QKI: variants seen among roughly 807,000 people sequenced by gnomAD.
The protein encoded by QKI is QKI, KH domain containing RNA binding, also known as KH domain-containing RNA-binding protein QKI.
In QKI, 10 loss-of-function variants were observed where a neutral mutation model predicts 39.0. That is an observed-to-expected ratio of 0.26 (90% CI 0.16 to 0.43). The LOEUF (loss-of-function observed/expected upper bound fraction) is 0.43, where lower values mean the gene tolerates loss of function less well. Ranked by LOEUF, QKI falls within the 20% of genes least tolerant of loss-of-function variation. The pLI is 1.00. For synonymous variants in QKI, 204 were observed against 155.4 expected (o/e 1.31, Z -2.33); for missense variants, 218 against 428.0 (o/e 0.51, Z 4.33).
chr6:163,478,742 G>A, intron 2 of QKI, 38 bp from the exon 3 acceptor site: 14 of 1,355,498 alleles, frequency 1.0e-5, no homozygotes, highest in Non-Finnish European at 1.3e-5. Context: ...GTTCCAGCAA[G>A]TGAATAATGT....
rs115742128 is a variant in QKI, at chr6:163,514,406, A to G, written c.403-20576A>G. 2.9e-3 allele frequency among the ~76,000 whole-genome samples: 436 copies of G among 152,286 alleles called. 1 individual carries two copies. Among genetic ancestry groups the G allele is most frequent in the African/African-American group, 9.7e-3 (403 of 41,560 alleles). On this transcript the variant is annotated intron_variant, in intron 3 of 7. Coordinates refer to ENST00000361752, the MANE Select transcript of QKI (RefSeq NM_006775.3). ...TAAAGATATGTATTTTCAAATCTATATAGTAAAATCTAGTTAGAAATCCTA... is the reference window on the plus strand; with the variant it reads ...TAAAGATATGTATTTTCAAATCTATGTAGTAAAATCTAGTTAGAAATCCTA...
intron 4 of QKI, among the ~76,000 whole-genome samples, chr6:163,545,708 G>A (rs774547070): frequency 3.9e-5 from 6 of 151,944 alleles, no homozygotes; most frequent in African/African-American, 1.2e-4. Flanking sequence ...TTGAGGAACC[G>A]CTTCTTTCAA....
intron 3 of QKI, among the ~76,000 whole-genome samples, chr6:163,489,424 CTGTGTGTGTGTGTGTG>C (rs66826538): frequency 2.7e-5 from 4 of 148,936 alleles, no homozygotes; most frequent in Admixed American, 6.7e-5. Flanking sequence ...AGAAGTTATG[CTGTGTGTGTGTGTGTG>C]TGTGTGTGTG....
chr6:163,513,477 T>C (rs971215567), intron 3 of QKI, among the ~76,000 whole-genome samples: 18 of 152,190 alleles, frequency 1.2e-4, no homozygotes, highest in African/African-American at 4.3e-4. Context: ...TTTCTAAACT[T>C]ATTTCGTCCT....
chr6:163,552,382 G>C lies in QKI; in HGVS notation c.547-9600G>C, dbSNP rs550762871. 3.6e-4 allele frequency among the ~76,000 whole-genome samples: 54 copies of C among 151,860 alleles called. 2 individuals carry two copies. Among genetic ancestry groups the C allele is most frequent in the Admixed American group, 3.1e-3 (47 of 15,264 alleles). On this transcript the variant is annotated intron_variant, in intron 4 of 7. Transcript: ENST00000361752. The stretch of plus-strand genomic sequence containing the variant: ...CGCCACCACGCCTGGCTAATTTTTT[G>C]TATTTTTTGACTAGAGACAGGGTTT...
intron 4 of QKI, among the ~76,000 whole-genome samples, chr6:163,540,624 G>T (rs1781449902): frequency 6.6e-6 from 1 of 152,084 alleles, no homozygotes; most frequent in Non-Finnish European, 1.5e-5. Context: ...TAATTATACT[G>T]CAAAAGTAAT....
At chr6:163,486,822 A>T (rs1264599452) in intron 3 of QKI, among the ~76,000 whole-genome samples, 1 of 152,142 alleles carries the variant, frequency 6.6e-6, no homozygotes, top group African/African-American at 2.4e-5. Context: ...TTTTTCCTGC[A>T]ACTCTGTATC....
At chr6:163,463,285 T>A (rs1791477820) in intron 2 of QKI, among the ~76,000 whole-genome samples, 1 of 152,186 alleles carries the variant, frequency 6.6e-6, no homozygotes, top group South Asian at 2.1e-4. Context: ...CTAGGTGTTC[T>A]AGGATTTGGG....
intron 1 of QKI, among the ~76,000 whole-genome samples, chr6:163,419,595 A>G (rs1382112126): frequency 3.3e-5 from 5 of 152,160 alleles, no homozygotes; most frequent in African/African-American, 7.2e-5. Context: ...TTTCTCACCC[A>G]GGAGGTGTCA....
intron 1 of QKI, among the ~76,000 whole-genome samples, chr6:163,430,862 A>C (rs1463766860): frequency 6.6e-6 from 1 of 152,164 alleles, no homozygotes; most frequent in Non-Finnish European, 1.5e-5. Flanking sequence ...AGTCTGAGAA[A>C]AGAAGGGTCC....
intron 3 of QKI, among the ~76,000 whole-genome samples, chr6:163,504,855 A>T (rs1397934798): frequency 1.3e-5 from 2 of 152,060 alleles, no homozygotes; most frequent in Non-Finnish European, 2.9e-5. Context: ...TACCTGGTTC[A>T]TCTGGGTGGG....
At chr6:163,489,347 C>T (rs1409927550) in intron 3 of QKI, among the ~76,000 whole-genome samples, 1 of 151,760 alleles carries the variant, frequency 6.6e-6, no homozygotes, top group Non-Finnish European at 1.5e-5. Flanking sequence ...GTAGCAGTTT[C>T]CCCCCAGCTT....
intron 4 of QKI, among the ~76,000 whole-genome samples, chr6:163,551,325 TC>T (rs1782224849): frequency 6.6e-6 from 1 of 152,168 alleles, no homozygotes; most frequent in African/African-American, 2.4e-5. Flanking sequence ...TAGCCTTAGG[TC>T]CCACAGGTTG....
chr6:163,513,469 T>A (rs1779609874), intron 3 of QKI, among the ~76,000 whole-genome samples: 1 of 152,330 alleles, frequency 6.6e-6, no homozygotes, highest in South Asian at 2.1e-4. Context: ...ATAGGCTTTT[T>A]CTAAACTTAT....
chr6:163,568,130 G>A (rs1783479096), intron 7 of QKI: 1 of 985,372 alleles, frequency 1.0e-6, no homozygotes, highest in Non-Finnish European at 1.2e-6. Context: ...TAGGGATGGG[G>A]AAGTTTTTTG....
intron 2 of QKI, among the ~76,000 whole-genome samples, chr6:163,456,617 C>T (rs1790936409): frequency 6.6e-6 from 1 of 152,038 alleles, no homozygotes; most frequent in Non-Finnish European, 1.5e-5. Flanking sequence ...TTTACAGTTA[C>T]ATTACAATTT....
intron 3 of QKI, among the ~76,000 whole-genome samples, chr6:163,489,439 TGTGTGTGTG>T (rs1777912979): frequency 6.7e-6 from 1 of 149,900 alleles, no homozygotes; most frequent in Non-Finnish European, 1.5e-5. Flanking sequence ...TGTGTGTGTG[TGTGTGTGTG>T]TGTGTGTGTT....
intron 1 of QKI, among the ~76,000 whole-genome samples, chr6:163,446,903 C>T (rs576759687): frequency 6.6e-6 from 1 of 152,202 alleles, no homozygotes; most frequent in African/African-American, 2.4e-5. Flanking sequence ...GAACCTAGAC[C>T]TGGAGTTCAT....
chr6:163,565,157 G>T (rs1583231016), intron 6 of QKI: 1 of 993,124 alleles, frequency 1.0e-6, no homozygotes, highest in East Asian at 1.1e-4. Context: ...TGAGAGGCTT[G>T]TGTCTGTTGC....
Sources: allele counts gnomAD v4.1 joint callset (sites outside exome capture counted in the v4.1 genomes callset), GRCh38; gene constraint gnomAD v4.1.1; transcripts MANE v1.5; gene names NCBI Gene and HGNC (gene_info 2026-07-23, HGNC 2026-07-21).